The following EIF3A variants were observed in gnomAD, a reference collection of about 807,000 sequenced individuals.
EIF3A encodes the protein EIF3, p180 subunit.
Under a neutral mutation model 186.6 loss-of-function variants are expected in EIF3A, and 21 were observed. The ratio of observed to expected loss-of-function variants is 0.11; its 90% CI spans 0.08 to 0.16. The LOEUF is 0.16. EIF3A is among the 10% of genes least tolerant of loss of function. The probability of loss-of-function intolerance (pLI) is 1.00; values close to 1 mark genes in which losing one functional copy is unlikely to be tolerated. For missense variants in EIF3A, 1,306 were observed against 1,796.3 expected, an observed-to-expected ratio of 0.73 and a Z score of 4.93; for synonymous variants, 563 against 584.3, an observed-to-expected ratio of 0.96 and a Z score of 0.52.
At chr10:119,059,838 A>C (rs989712826) in intron 9 of EIF3A, 120 bp from the exon 10 acceptor site, 30 of 713,580 alleles carry the variant, frequency 4.2e-5, no homozygotes, top group Admixed American at 1.7e-4. Flanking sequence ...TTAGCAGTAC[A>C]TTGTTAAAGC....
intron 7 of EIF3A, among the ~76,000 whole-genome samples, chr10:119,061,679 A>G (rs979355619): frequency 6.6e-6 from 1 of 152,232 alleles, no homozygotes; most frequent in African/African-American, 2.4e-5. Context: ...CTTTTATATA[A>G]ATTATCACAC....
At chr10:119,070,850 T>C (rs367814616) in intron 5 of EIF3A, 36 bp downstream of exon 5, 4 of 1,455,420 alleles carry the variant, frequency 2.7e-6, no homozygotes, top group Non-Finnish European at 3.9e-6. Flanking sequence ...CACAGACTAT[T>C]ATTTCTAGGA....
At chr10:119,050,435 T>C in intron 16 of EIF3A, 86 bp downstream of exon 16, 2 of 1,355,852 alleles carry the variant, frequency 1.5e-6, no homozygotes, top group Admixed American at 2.0e-5. Flanking sequence ...CCTTGATTCC[T>C]GTATTTTCTA....
chr10:119,077,556 ATTTT>A lies in EIF3A; in HGVS notation c.49+3068_49+3071del, dbSNP rs34768236. Among the ~76,000 whole-genome samples, 5 of 142,492 alleles carry A rather than the reference ATTTT, an allele frequency of 3.5e-5. No individual in the cohort carries two copies. In the South Asian group the frequency reaches 6.8e-4, roughly 19 times the overall value. 93.5% of individuals were successfully genotyped at this position (142,492 alleles called of 152,430 possible). A position where few individuals can be genotyped will look rare whatever the true frequency, so the allele number is the denominator to read the frequency against. Reference sequence around the variant, plus strand: ...ATATACAAGAATTTAGTTCCTCCGAATTTTTTTTTTTTTTTGGAGAAGGAGTCTC... The same window carrying A: ...ATATACAAGAATTTAGTTCCTCCGAATTTTTTTTTTTGGAGAAGGAGTCTC... On this transcript the variant is annotated intron_variant, in intron 1 of 21. Coordinates refer to ENST00000369144, the MANE Select transcript of EIF3A (RefSeq NM_003750.4).
In EIF3A at chr10:119,080,801, G is replaced by T. The variant is rs1443797334; in HGVS notation, c.-125C>A. 7.0e-7 allele frequency: 1 copy of T among 1,427,986 alleles called. No homozygotes were observed. Among genetic ancestry groups the T allele is most frequent in the Non-Finnish European group, 9.2e-7 (1 of 1,088,408 alleles). The allele number at this position is 1,427,986 out of a possible 1,614,324, so 88.5% of individuals were successfully genotyped here. On this transcript the variant is annotated 5_prime_UTR_variant, in exon 1 of 22. Coordinates refer to ENST00000369144, the MANE Select transcript of EIF3A (RefSeq NM_003750.4). ...CGCCAGCAGTCGCCCGCGCCCAGCCGGCCAGAGACGGAAAGGAAGGAGCCA... is the reference window on the plus strand; with the variant it reads ...CGCCAGCAGTCGCCCGCGCCCAGCCTGCCAGAGACGGAAAGGAAGGAGCCA...
At chr10:119,078,212 G>A (rs528612449) in intron 1 of EIF3A, among the ~76,000 whole-genome samples, 1 of 152,234 alleles carries the variant, frequency 6.6e-6, no homozygotes, top group South Asian at 2.1e-4. Flanking sequence ...AGCAGTTAGT[G>A]TGGCACCACT....
At chr10:119,044,698 A>G (rs1848258581) in intron 17 of EIF3A, among the ~76,000 whole-genome samples, 1 of 152,102 alleles carries the variant, frequency 6.6e-6, no homozygotes, top group Admixed American at 6.5e-5. Flanking sequence ...AATACAAAAA[A>G]TTAGCCAGGC....
chr10:119,041,426 G>T (rs1848208040), intron 19 of EIF3A, among the ~76,000 whole-genome samples: 1 of 152,022 alleles, frequency 6.6e-6, no homozygotes, highest in Non-Finnish European at 1.5e-5. Context: ...TAAAATATTA[G>T]CAGGGTGTGG....
intron 14 of EIF3A, 81 bp from the exon 15 acceptor site, chr10:119,051,402 A>G: frequency 7.2e-7 from 1 of 1,386,230 alleles, no homozygotes; most frequent in Non-Finnish European, 9.6e-7. Flanking sequence ...ATACTCTTGA[A>G]AAATTAGAAG....
At chr10:119,074,004 A>C (rs1247869861) in intron 1 of EIF3A, 67 bp from the exon 2 acceptor site, 11 of 1,330,388 alleles carry the variant, frequency 8.3e-6, no homozygotes, top group Non-Finnish European at 9.9e-6. Flanking sequence ...TTACCTTTTT[A>C]AACAGCTATT....
intron 14 of EIF3A, among the ~76,000 whole-genome samples, chr10:119,054,216 T>C (rs1165262761): frequency 4.6e-5 from 7 of 152,132 alleles, no homozygotes; most frequent in African/African-American, 1.7e-4. Context: ...CCACCAGGCC[T>C]GGCCTTCTGC....
At position 119,042,470 on chromosome 10, in the gene EIF3A, G is replaced by A; in HGVS notation, c.3050C>T (p.Pro1017Leu). 1.2e-6 allele frequency: 2 copies of A among 1,614,128 alleles called. No homozygotes were observed. The highest frequency in any genetic ancestry group is 1.7e-6 in the Non-Finnish European group (2 of 1,180,028). The change falls in exon 19 of 22, where the codon CCA becomes CTA. Residue 1017 changes from proline (P) to leucine (L), a missense_variant. By Grantham distance (98) the Pro-to-Leu change is moderately conservative (BLOSUM62 -3). Around this residue, in one of 8 missense-constraint regions of EIF3A, gnomAD observed 410 missense variants for 473.5 expected, o/e 0.87. Coordinates refer to ENST00000369144, the MANE Select transcript of EIF3A (RefSeq NM_003750.4). The surrounding 1 kb of genome is among the most constrained non-coding windows in gnomAD (Gnocchi z 7.8). ...GTCCTCATCCAGTCCTCGTCTAGGT[G>A]GTCTGTCATCATCCGCATGACGCCA... The part of the protein sequence containing the change: ...GNWRHADDDR[P>L]PRRGLDEDRG...
At chr10:119,046,486 T>TA (rs1461526180) in intron 17 of EIF3A, among the ~76,000 whole-genome samples, 1 of 152,174 alleles carries the variant, frequency 6.6e-6, no homozygotes, top group Non-Finnish European at 1.5e-5. Context: ...ATGGAAAACT[T>TA]AAAGTAACTG....
rs1451818237 is a variant in EIF3A, at chr10:119,073,474, A to G, written c.344T>C (p.Ile115Thr). Residue 115 changes from isoleucine (I) to threonine (T), a missense_variant, in exon 3 of 22, where the codon ATA becomes ACA. Physicochemically the swap from Ile to Thr is moderately conservative, Grantham distance 89 (BLOSUM62 -1). Around this residue, in one of 8 missense-constraint regions of EIF3A, gnomAD observed 130 missense variants for 259.3 expected, o/e 0.50. Transcript: ENST00000369144. ...AGTTTGAATATTATCTAGATCCTCT[A>G]TATCTAAGACCATCTGCTGAGATTC... ...KEESQQMVLD[I>T]EDLDNIQTPE... 1.2e-6 allele frequency: 2 copies of G among 1,606,818 alleles called. No homozygotes were observed. Among genetic ancestry groups the G allele is most frequent in the East Asian group, 2.2e-5 (1 of 44,828 alleles).
At chr10:119,074,242 A>T (rs1002290276) in intron 1 of EIF3A, among the ~76,000 whole-genome samples, 1 of 152,096 alleles carries the variant, frequency 6.6e-6, no homozygotes, top group African/African-American at 2.4e-5. Context: ...GAGGTGGGCC[A>T]ATCACTTGAG....
intron 20 of EIF3A, among the ~76,000 whole-genome samples, chr10:119,037,907 A>ATTTTTTTTTTTT (rs575308953): frequency 1.1e-5 from 1 of 93,104 alleles, no homozygotes; most frequent in Non-Finnish European, 1.9e-5. Context: ...TTAAGAGGGA[A>ATTTTTTTTTTTT]TTTTTTTTTT....
chr10:119,061,050 G>T, intron 8 of EIF3A, 174 bp downstream of exon 8: 1 of 578,730 alleles, frequency 1.7e-6, no homozygotes. Flanking sequence ...CCAAAGGTTT[G>T]CTGAGCACAT....
At chr10:119,060,199 A>C in intron 9 of EIF3A, 1 of 493,392 alleles carries the variant, frequency 2.0e-6, no homozygotes, top group Non-Finnish European at 3.9e-6. Context: ...AATGGAAAAC[A>C]AAATGGGAGC....
chr10:119,067,553 T>G (rs1844001058), intron 6 of EIF3A, among the ~76,000 whole-genome samples: 1 of 151,974 alleles, frequency 6.6e-6, no homozygotes, highest in African/African-American at 2.4e-5. Flanking sequence ...TACAACACAC[T>G]ACTACACTCC....
Sources: allele counts gnomAD v4.1 joint callset (sites outside exome capture counted in the v4.1 genomes callset), GRCh38; gene constraint gnomAD v4.1.1; regional missense constraint gnomAD v4.1.1; non-coding constraint Gnocchi (gnomAD v3.1); transcripts MANE v1.5; gene names NCBI Gene and HGNC (gene_info 2026-07-23, HGNC 2026-07-21).